WDR27: variants seen among roughly 807,000 people sequenced by gnomAD.
WDR27 encodes the protein WD repeat-containing protein 27.
In WDR27, 100 loss-of-function variants were observed where a neutral mutation model predicts 114.4. That is an observed-to-expected ratio of 0.87 (90% CI 0.74 to 1.03). The LOEUF (loss-of-function observed/expected upper bound fraction) is 1.03, where lower values mean the gene tolerates loss of function less well. Ranked by LOEUF, WDR27 falls within the 50% of genes least tolerant of loss-of-function variation. The probability of loss-of-function intolerance (pLI) is 0.00; values close to 1 mark genes in which losing one functional copy is unlikely to be tolerated. For missense variants in WDR27, 1,129 were observed against 1,092.9 expected (o/e 1.03, Z -0.47); for synonymous variants, 449 against 423.1 (o/e 1.06, Z -0.75).
At chr6:169,660,794 A>G (rs759105284) in intron 9 of WDR27, 28 bp from the exon 10 acceptor site, 9 of 1,588,828 alleles carry the variant, frequency 5.7e-6, no homozygotes, top group Non-Finnish European at 5.2e-6. Flanking sequence ...AGAAAAGAAT[A>G]CACAATAATC....
At chr6:169,685,923 G>C (rs537386010) in intron 2 of WDR27, among the ~76,000 whole-genome samples, 1 of 152,066 alleles carries the variant, frequency 6.6e-6, no homozygotes, top group Non-Finnish European at 1.5e-5. Context: ...TGTCAAAATC[G>C]AAAGACAAAG....
chr6:169,627,218 A>C (rs202181399), intron 21 of WDR27, among the ~76,000 whole-genome samples: 2 of 152,236 alleles, frequency 1.3e-5, no homozygotes, highest in East Asian at 3.8e-4. Flanking sequence ...TGATGCTTTA[A>C]GTCTTGAAAA....
At chr6:169,619,091 A>T (rs1341205403) in intron 21 of WDR27, among the ~76,000 whole-genome samples, 1 of 152,226 alleles carries the variant, frequency 6.6e-6, no homozygotes. Flanking sequence ...CTGAAAGACC[A>T]CATAGATTTG....
intron 25 of WDR27, among the ~76,000 whole-genome samples, chr6:169,509,938 G>T (rs12193197): frequency 3.2e-4 from 49 of 152,030 alleles, no homozygotes; most frequent in African/African-American, 9.2e-4. Context: ...TTACAAGAAA[G>T]AAACAAACAA....
At chr6:169,600,381 C>G (rs1193439868) in intron 23 of WDR27, among the ~76,000 whole-genome samples, 1 of 152,026 alleles carries the variant, frequency 6.6e-6, no homozygotes, top group African/African-American at 2.4e-5. Flanking sequence ...GAGCAGAAAA[C>G]CTGGAAACTC....
the WDR27 span, among the ~76,000 whole-genome samples, chr6:169,433,700 CCCA>C: frequency 7.9e-5 from 12 of 152,188 alleles, no homozygotes; most frequent in African/African-American, 1.7e-4. Context: ...AATTTACACT[CCCA>C]CCAACTGTGT....
intron 23 of WDR27, among the ~76,000 whole-genome samples, chr6:169,587,775 A>T (rs182529244): frequency 6.6e-4 from 101 of 152,400 alleles, no homozygotes; most frequent in Non-Finnish European, 4.4e-5. Context: ...AAAGGATTTA[A>T]CAAAACGTGC....
chr6:169,673,846 T>G (rs1302940062), intron 2 of WDR27, among the ~76,000 whole-genome samples: 1 of 152,202 alleles, frequency 6.6e-6, no homozygotes, highest in Non-Finnish European at 1.5e-5. Context: ...ATGAATGGAT[T>G]TTAAGTAAAT....
the WDR27 span, among the ~76,000 whole-genome samples, chr6:169,437,007 C>T: frequency 6.6e-6 from 1 of 151,952 alleles, no homozygotes; most frequent in Non-Finnish European, 1.5e-5. Context: ...ATATGTAGTT[C>T]CATATACAAA....
At chr6:169,590,430 T>A (rs1805511974) in intron 23 of WDR27, among the ~76,000 whole-genome samples, 1 of 152,252 alleles carries the variant, frequency 6.6e-6, no homozygotes, top group Admixed American at 6.5e-5. Flanking sequence ...ATTTTTAGTT[T>A]ATAAAAAAGT....
At chr6:169,549,672 G>A (rs1440421015) in intron 25 of WDR27, among the ~76,000 whole-genome samples, 3 of 152,194 alleles carry the variant, frequency 2.0e-5, no homozygotes, top group African/African-American at 7.2e-5. Context: ...GCATCCAGAT[G>A]ACAGAGTGTG....
intron 13 of WDR27, among the ~76,000 whole-genome samples, chr6:169,652,729 C>G (rs1822941501): frequency 6.6e-6 from 1 of 152,194 alleles, no homozygotes; most frequent in African/African-American, 2.4e-5. Flanking sequence ...CCCAAAACAT[C>G]AACATGTTAA....
At chr6:169,525,750 G>A (rs1794903915) in intron 25 of WDR27, among the ~76,000 whole-genome samples, 1 of 152,108 alleles carries the variant, frequency 6.6e-6, no homozygotes, top group Non-Finnish European at 1.5e-5. Context: ...TACTGGGTAT[G>A]TATCTAAATC....
At chr6:169,442,391 A>C in the WDR27 span, among the ~76,000 whole-genome samples, 3 of 152,222 alleles carry the variant, frequency 2.0e-5, no homozygotes, top group African/African-American at 7.2e-5. Flanking sequence ...AATTCTTATA[A>C]AATAGACACC....
chr6:169,627,544 C>G (rs978747755), intron 21 of WDR27, among the ~76,000 whole-genome samples: 2 of 152,144 alleles, frequency 1.3e-5, no homozygotes, highest in African/African-American at 4.8e-5. Flanking sequence ...CGTCTACGTA[C>G]TGGAGCGCCA....
Position 169,457,545 on chromosome 6 carries a change from T to C in WDR27, c.*47A>G. ...CCACTACTTCTTACTTTTAAGTTGT[T>C]CCTCACAGCATTCCTGGACCCAGCT... is the stretch of plus-strand genomic sequence containing the variant. On this transcript the variant is annotated 3_prime_UTR_variant, in exon 26 of 26. Transcript: ENST00000448612. 6.6e-7 allele frequency: 1 copy of C among 1,506,468 alleles called. No homozygotes were observed. Among genetic ancestry groups the C allele is most frequent in the Non-Finnish European group, 8.9e-7 (1 of 1,121,024 alleles). The allele number at this position is 1,506,468 out of a possible 1,614,324, so 93.3% of individuals were successfully genotyped here. A position where few individuals can be genotyped will look rare whatever the true frequency, so the allele number is the denominator to read the frequency against.
At chr6:169,592,977 GTGAATCATGCTTGCATTC>G in intron 23 of WDR27, among the ~76,000 whole-genome samples, 1 of 152,302 alleles carries the variant, frequency 6.6e-6, no homozygotes, top group Admixed American at 6.5e-5. Context: ...TTTATTGATA[GTGAATCATGCTTGCATTC>G]TACGCATAAA....
the WDR27 span, among the ~76,000 whole-genome samples, chr6:169,429,833 C>T: frequency 2.6e-5 from 4 of 152,196 alleles, no homozygotes; most frequent in African/African-American, 7.2e-5. Context: ...CTGGGGACTA[C>T]AGTTGAGGTG....
At chr6:169,661,742 G>C (rs1367278494) in intron 9 of WDR27, among the ~76,000 whole-genome samples, 2 of 152,164 alleles carry the variant, frequency 1.3e-5, no homozygotes, top group African/African-American at 4.8e-5. Context: ...TTCTGCTCCA[G>C]GGGCAGCTCT....
Sources: allele counts gnomAD v4.1 joint callset (sites outside exome capture counted in the v4.1 genomes callset), GRCh38; gene constraint gnomAD v4.1.1; transcripts MANE v1.5; gene names NCBI Gene and HGNC (gene_info 2026-07-23, HGNC 2026-07-21).